EYS: variants seen among roughly 807,000 people sequenced by gnomAD.
EYS encodes EGF-like photoreceptor maintenance factor.
Under a neutral mutation model 282.1 loss-of-function variants are expected in EYS, and 250 were observed. The observed-to-expected ratio is 0.89, with a 90% confidence interval of 0.80 to 0.98. The LOEUF (loss-of-function observed/expected upper bound fraction) is 0.98. EYS is among the 50% of genes least tolerant of loss of function. The probability of loss-of-function intolerance (pLI) is 0.00; values close to 1 mark genes in which losing one functional copy is unlikely to be tolerated. For synonymous variants in EYS, 1,355 were observed against 1,282.9 expected, an observed-to-expected ratio of 1.06 and a Z score of -1.20; for missense variants, 4,016 against 3,709.0, an observed-to-expected ratio of 1.08 and a Z score of -2.15.
intron 35 of EYS, among the ~76,000 whole-genome samples, chr6:63,952,433 C>G (rs953853182): frequency 6.6e-6 from 1 of 152,126 alleles, no homozygotes; most frequent in Non-Finnish European, 1.5e-5. Context: ...GAGGGTAAGT[C>G]GGTCCCCTTC....
chr6:64,964,471 A>C (rs2150107849), intron 14 of EYS, among the ~76,000 whole-genome samples: 1 of 152,274 alleles, frequency 6.6e-6, no homozygotes, highest in Non-Finnish European at 1.5e-5. Flanking sequence ...ATGTTAAATT[A>C]CATTTTTCTT....
At chr6:64,077,878 T>G (rs899180240) in intron 32 of EYS, among the ~76,000 whole-genome samples, 2 of 152,050 alleles carry the variant, frequency 1.3e-5, no homozygotes, top group Non-Finnish European at 2.9e-5. Context: ...GAATTCTGAA[T>G]TGGTTCAGTG....
intron 22 of EYS, among the ~76,000 whole-genome samples, chr6:64,742,531 T>C (rs946834339): frequency 2.0e-5 from 3 of 152,168 alleles, no homozygotes; most frequent in African/African-American, 7.2e-5. Context: ...AGTTTGACTG[T>C]ACTTAAAACT....
At position 63,885,875 on chromosome 6, in the gene EYS, G is replaced by C. The variant is rs145520529; in HGVS notation, c.7056-21517C>G. 1.7e-3 allele frequency among the ~76,000 whole-genome samples: 257 copies of C among 152,242 alleles called. 1 individual carries two copies. The highest frequency in any genetic ancestry group is 4.6e-3 in the African/African-American group (193 of 41,548). ...GTAGATGTAATCATTGGCTAGACTT[G>C]TACTCTTTTGAGCAATATTCTTCTT... On this transcript the variant is annotated intron_variant, in intron 35 of 42. Coordinates refer to ENST00000503581, the MANE Select transcript of EYS (RefSeq NM_001142800.2).
intron 12 of EYS, among the ~76,000 whole-genome samples, chr6:65,100,117 C>T (rs577653254): frequency 6.6e-6 from 1 of 150,780 alleles, no homozygotes; most frequent in South Asian, 2.1e-4. Context: ...ATGAAGGGCA[C>T]CTAAGAAAAA....
chr6:64,743,581 G>T (rs1336929335), intron 22 of EYS, among the ~76,000 whole-genome samples: 1 of 152,052 alleles, frequency 6.6e-6, no homozygotes. Flanking sequence ...AGTATCTGCA[G>T]TTATTTTACA....
In EYS at chr6:63,735,645, A is replaced by G. The variant is rs1204109177; in HGVS notation, c.8072-8965T>C. Among the ~76,000 whole-genome samples, 4 of 152,088 alleles carry G rather than the reference A, an allele frequency of 2.6e-5. No homozygotes were observed. The East Asian group carries it at 7.7e-4, about 29-fold the overall frequency. On this transcript the variant is annotated intron_variant, in intron 41 of 42. Transcript: ENST00000503581. ...TATTTTCCTATATAATTAGCACTCAAACCTCCAAATCAGGAGTCAACATTG... is the reference window on the plus strand; with the variant it reads ...TATTTTCCTATATAATTAGCACTCAGACCTCCAAATCAGGAGTCAACATTG...
At chr6:65,436,358 T>C (rs12214795) in intron 5 of EYS, among the ~76,000 whole-genome samples, 28,180 of 152,014 alleles carry the variant, frequency 0.19, 3,268 homozygotes, top group Middle Eastern at 0.3. Flanking sequence ...ACATTACAAA[T>C]GTTTTATTTG....
At chr6:64,343,344 T>G (rs1178522891) in intron 29 of EYS, among the ~76,000 whole-genome samples, 4 of 151,522 alleles carry the variant, frequency 2.6e-5, no homozygotes, top group African/African-American at 4.8e-5. Flanking sequence ...GAACAGAAAT[T>G]ATAACAAACT....
At chr6:64,246,012 C>A (rs1767002634) in intron 30 of EYS, among the ~76,000 whole-genome samples, 1 of 62,438 alleles carries the variant, frequency 1.6e-5, no homozygotes, top group Admixed American at 2.1e-4. Context: ...GAGCGAAACT[C>A]CGTCTCAAAA....
chr6:64,531,704 T>G (rs150224716), intron 26 of EYS, among the ~76,000 whole-genome samples: 1 of 152,048 alleles, frequency 6.6e-6, no homozygotes, highest in Non-Finnish European at 1.5e-5. Flanking sequence ...GTACTGGGAT[T>G]ACAGGCGTGA....
At chr6:65,559,416 A>T (rs554309611) in intron 2 of EYS, among the ~76,000 whole-genome samples, 7 of 151,426 alleles carry the variant, frequency 4.6e-5, no homozygotes, top group East Asian at 1.9e-4. Flanking sequence ...AAGAAAAAAA[A>T]TTTTTTTTGG....
intron 26 of EYS, among the ~76,000 whole-genome samples, chr6:64,498,166 TTTAAG>T (rs1256558987): frequency 3.9e-5 from 6 of 152,200 alleles, no homozygotes. Flanking sequence ...GTTAGTATCC[TTTAAG>T]TTATTTATTG....
intron 2 of EYS, among the ~76,000 whole-genome samples, chr6:65,550,143 C>CTTTCTTTTTTTTTTTTTTTTTT (rs1562254227): frequency 3.4e-4 from 2 of 5,956 alleles, no homozygotes; most frequent in South Asian, 0.01. Flanking sequence ...TCTACTATAT[C>CTTTCTTTTTTTTTTTTTTTTTT]TTTTTTTTTT....
rs57457348 is a variant in EYS, at chr6:65,557,571, C to A, written c.-332-61578G>T. On this transcript the variant is annotated intron_variant, in intron 2 of 42. Coordinates refer to ENST00000503581, the MANE Select transcript of EYS (RefSeq NM_001142800.2). ...GAGGGTGTTACAACATGTCACAGCC[C>A]TGGCTTGTGGAGCTCTGAGGTCTGG... Among the ~76,000 whole-genome samples the A allele has an allele frequency of 6.1e-3, 934 of 152,270 alleles. 6 individuals are homozygous for A. Among genetic ancestry groups the A allele is most frequent in the African/African-American group, 0.021 (860 of 41,558 alleles).
chr6:64,848,616 A>G (rs1391248046), intron 19 of EYS, among the ~76,000 whole-genome samples: 2 of 152,130 alleles, frequency 1.3e-5, no homozygotes, highest in Non-Finnish European at 2.9e-5. Flanking sequence ...GAGGGGCAGT[A>G]TAGCAGATCA....
intron 29 of EYS, among the ~76,000 whole-genome samples, chr6:64,362,260 C>G (rs1772040027): frequency 6.6e-6 from 1 of 151,626 alleles, no homozygotes; most frequent in African/African-American, 2.4e-5. Flanking sequence ...CAGAAAATAA[C>G]TAAACGTAAG....
chr6:64,068,568 G>A (rs1771460564), intron 32 of EYS, among the ~76,000 whole-genome samples: 1 of 151,930 alleles, frequency 6.6e-6, no homozygotes, highest in Non-Finnish European at 1.5e-5. Flanking sequence ...TAAATGACGA[G>A]TTAATGGGTG....
At chr6:63,862,689 T>C (rs1772564562) in intron 36 of EYS, among the ~76,000 whole-genome samples, 1 of 152,228 alleles carries the variant, frequency 6.6e-6, no homozygotes, top group Admixed American at 6.5e-5. Flanking sequence ...TTATATTTTT[T>C]CAATAGCTTT....
Sources: allele counts gnomAD v4.1 joint callset (sites outside exome capture counted in the v4.1 genomes callset), GRCh38; gene constraint gnomAD v4.1.1; transcripts MANE v1.5; gene names NCBI Gene and HGNC (gene_info 2026-07-23, HGNC 2026-07-21).